The following PARD3B variants were observed in gnomAD, a reference collection of about 807,000 sequenced individuals.
PARD3B encodes par-3 family cell polarity regulator beta, also known as partitioning defective 3 homolog B.
In PARD3B, 103 loss-of-function variants were observed where a neutral mutation model predicts 130.2. The observed-to-expected ratio is 0.79, with a 90% CI of 0.67 to 0.93. The LOEUF (loss-of-function observed/expected upper bound fraction) is 0.93. PARD3B is among the 40% of genes least tolerant of loss of function. The pLI, the probability that PARD3B is intolerant of heterozygous loss-of-function variation, is 0.00. For synonymous variants in PARD3B, 583 were observed against 553.2 expected (o/e 1.05, Z -0.76); for missense variants, 1,609 against 1,499.2 (o/e 1.07, Z -1.21).
chr2:204,794,645 G>T (rs1031707059), intron 2 of PARD3B, among the ~76,000 whole-genome samples: 1 of 152,184 alleles, frequency 6.6e-6, no homozygotes, highest in African/African-American at 2.4e-5. Context: ...AAATAATCAG[G>T]TAGTGATGAG....
chr2:204,852,537 A>C (rs1028685525), intron 2 of PARD3B, among the ~76,000 whole-genome samples: 2 of 151,990 alleles, frequency 1.3e-5, no homozygotes, highest in African/African-American at 4.8e-5. Flanking sequence ...TTTTGAATTG[A>C]TATTTAAATA....
intron 1 of PARD3B, among the ~76,000 whole-genome samples, chr2:204,557,368 C>T (rs757714279): frequency 1.1e-4 from 17 of 152,270 alleles, no homozygotes; most frequent in Admixed American, 3.9e-4. Context: ...AATCTAGAAA[C>T]CTGGATATCC....
chr2:204,934,570 G>A (rs563849014), intron 2 of PARD3B, among the ~76,000 whole-genome samples: 92 of 152,154 alleles, frequency 6.0e-4, no homozygotes, highest in African/African-American at 1.9e-3. Flanking sequence ...CTCAGTTATA[G>A]AATGTATAGC....
Position 204,867,759 on chromosome 2 carries a change from G to A in PARD3B, c.223-97393G>A, listed in dbSNP as rs181588358. 3.2e-3 allele frequency among the ~76,000 whole-genome samples: 486 copies of A among 152,232 alleles called. 2 individuals are homozygous for A. Among genetic ancestry groups the A allele is most frequent in the African/African-American group, 0.011 (471 of 41,534 alleles). Reference sequence around the variant, plus strand: ...TCTCTTTCCGGCGATGTATTTAGCAGACATTTCTCTGTTTTGAATGGGTGT... The same window carrying A: ...TCTCTTTCCGGCGATGTATTTAGCAAACATTTCTCTGTTTTGAATGGGTGT... On this transcript the variant is annotated intron_variant, in intron 2 of 22. Transcript: ENST00000406610.
intron 3 of PARD3B, among the ~76,000 whole-genome samples, chr2:205,037,307 A>C (rs1698037868): frequency 7.8e-6 from 1 of 128,424 alleles, no homozygotes; most frequent in Non-Finnish European, 1.7e-5. Context: ...TATTTGTATA[A>C]AATATATATA....
chr2:205,529,143 G>T (rs1035398887), intron 21 of PARD3B, among the ~76,000 whole-genome samples: 4 of 152,168 alleles, frequency 2.6e-5, no homozygotes, highest in Non-Finnish European at 5.9e-5. Flanking sequence ...CTGTTTATCA[G>T]AACTTCTCCA....
intron 2 of PARD3B, among the ~76,000 whole-genome samples, chr2:204,913,063 A>G (rs1268436325): frequency 3.3e-5 from 5 of 152,214 alleles, no homozygotes; most frequent in Non-Finnish European, 7.3e-5. Context: ...AACTTTCTCA[A>G]AATAATATTT....
At chr2:204,720,824 G>C (rs974768118) in intron 2 of PARD3B, among the ~76,000 whole-genome samples, 7 of 152,116 alleles carry the variant, frequency 4.6e-5, no homozygotes, top group Non-Finnish European at 1.0e-4. Flanking sequence ...TCATGCGGAA[G>C]TTTCAGCTGA....
At chr2:204,961,253 G>T (rs1305281855) in intron 2 of PARD3B, among the ~76,000 whole-genome samples, 2 of 152,108 alleles carry the variant, frequency 1.3e-5, no homozygotes, top group Admixed American at 6.6e-5. Flanking sequence ...AAGAGGCAGT[G>T]GGTAGAAACA....
chr2:204,995,047 G>T (rs961412901), intron 3 of PARD3B, among the ~76,000 whole-genome samples: 2 of 151,332 alleles, frequency 1.3e-5, no homozygotes, highest in Admixed American at 6.6e-5. Flanking sequence ...TTGCCAGTCT[G>T]TGTCTTTTAA....
intron 18 of PARD3B, among the ~76,000 whole-genome samples, chr2:205,361,837 A>G (rs10197993): frequency 0.035 from 3,207 of 91,552 alleles, 91 homozygotes; most frequent in African/African-American, 0.08. Context: ...CTCCTCCCAA[A>G]CACATTTTTT....
At chr2:205,162,934 G>T (rs1247196110) in intron 11 of PARD3B, among the ~76,000 whole-genome samples, 2 of 152,034 alleles carry the variant, frequency 1.3e-5, no homozygotes, top group African/African-American at 4.8e-5. Context: ...TGCTTTTCAT[G>T]TACCATATTA....
At chr2:204,708,191 G>A (rs1017636752) in intron 2 of PARD3B, among the ~76,000 whole-genome samples, 4 of 151,816 alleles carry the variant, frequency 2.6e-5, no homozygotes, top group South Asian at 2.1e-4. Context: ...TAATTTTTTT[G>A]TAGAGACAGA....
intron 2 of PARD3B, among the ~76,000 whole-genome samples, chr2:204,904,711 TTTTG>T (rs1367760122): frequency 6.6e-6 from 1 of 152,020 alleles, no homozygotes; most frequent in Admixed American, 6.5e-5. Context: ...CCATGAAAGA[TTTTG>T]TTTTTTATAA....
At chr2:205,382,931 A>G (rs760275077) in intron 18 of PARD3B, among the ~76,000 whole-genome samples, 71 of 151,916 alleles carry the variant, frequency 4.7e-4, no homozygotes, top group Non-Finnish European at 3.8e-4. Context: ...AGTTTACCTC[A>G]TAGGTTCCCC....
chr2:204,633,238 A>C (rs2034752193), intron 1 of PARD3B, among the ~76,000 whole-genome samples: 1 of 152,186 alleles, frequency 6.6e-6, no homozygotes, highest in South Asian at 2.1e-4. Context: ...AAAACAGAGA[A>C]GAGGAAAACA....
chr2:205,062,773 A>T (rs942502003), intron 4 of PARD3B, among the ~76,000 whole-genome samples: 2 of 152,212 alleles, frequency 1.3e-5, no homozygotes, highest in African/African-American at 2.4e-5. Flanking sequence ...TATCTTTTGC[A>T]GTGCTCAGTT....
intron 3 of PARD3B, among the ~76,000 whole-genome samples, chr2:205,037,979 T>C (rs551129979): frequency 6.6e-6 from 1 of 152,252 alleles, no homozygotes; most frequent in East Asian, 1.9e-4. Context: ...ATCTGGGCAT[T>C]CCAAAGAAAT....
intron 1 of PARD3B, among the ~76,000 whole-genome samples, chr2:204,630,127 C>G (rs1028320649): frequency 2.8e-4 from 42 of 152,106 alleles, no homozygotes; most frequent in Admixed American, 2.8e-3. Flanking sequence ...ACTATACAAA[C>G]TAGGCCTCAT....
Sources: gnomAD v4.1 joint callset for allele counts (sites outside exome capture counted in the v4.1 genomes callset) on GRCh38, gnomAD v4.1.1 for gene constraint, MANE v1.5 for transcripts, NCBI Gene and HGNC (gene_info 2026-07-23, HGNC 2026-07-21) for gene names.